Variants in DCK observed in about 807,000 individuals in gnomAD.
DCK encodes the protein deoxyadenosine kinase.
In DCK, 23 loss-of-function variants were observed where a neutral mutation model predicts 38.3. That is an observed-to-expected ratio of 0.60 (90% CI 0.43 to 0.85). DCK has a LOEUF of 0.85. Among genes scored for constraint, DCK ranks in the 40% least tolerant of loss-of-function variants. The pLI is 0.00. For synonymous variants in DCK, 108 were observed against 100.6 expected, an observed-to-expected ratio of 1.07 and a Z score of -0.44; for missense variants, 259 against 304.4, an observed-to-expected ratio of 0.85 and a Z score of 1.11.
At chr4:71,016,648 A>G (rs567493868) in intron 2 of DCK, among the ~76,000 whole-genome samples, 16 of 152,308 alleles carry the variant, frequency 1.1e-4, no homozygotes, top group African/African-American at 3.6e-4. Context: ...CAACCATCTG[A>G]TCTTTGACAA....
In DCK at chr4:71,030,695, A is replaced by C. The variant is rs1428833577; in HGVS notation, c.*1317A>C. 1 of 152,110 alleles carries C rather than the reference A, an allele frequency of 6.6e-6. No homozygotes were observed. Among genetic ancestry groups the C allele is most frequent in the Non-Finnish European group, 1.5e-5 (1 of 67,974 alleles). 9.4% of individuals were successfully genotyped at this position (152,110 alleles called of 1,614,324 possible). On this transcript the variant is annotated 3_prime_UTR_variant, in exon 7 of 7. Transcript: ENST00000286648. ...TCATTGAAATGTAATTTCAGTTCTAAAAAGATGTAATAATCATTTTAGAAT... is the reference window on the plus strand; with the variant it reads ...TCATTGAAATGTAATTTCAGTTCTACAAAGATGTAATAATCATTTTAGAAT...
At chr4:70,998,649 G>A (rs532566316) in intron 2 of DCK, among the ~76,000 whole-genome samples, 4 of 152,210 alleles carry the variant, frequency 2.6e-5, no homozygotes, top group East Asian at 1.9e-4. Context: ...TGAGGCCGGG[G>A]TTGGTGGCTC....
At chr4:71,020,154 CAG>C (rs1466521887) in intron 2 of DCK, among the ~76,000 whole-genome samples, 1 of 152,188 alleles carries the variant, frequency 6.6e-6, no homozygotes, top group Admixed American at 6.5e-5. Flanking sequence ...GTTGAAGAAA[CAG>C]GGTCATTTGT....
chr4:71,010,360 C>A (rs765724689), intron 2 of DCK, among the ~76,000 whole-genome samples: 1 of 151,246 alleles, frequency 6.6e-6, no homozygotes, highest in Non-Finnish European at 1.5e-5. Flanking sequence ...TGGTATGGAA[C>A]GTTTTTAAAA....
intron 1 of DCK, among the ~76,000 whole-genome samples, chr4:70,997,709 G>C (rs1739692092): frequency 6.6e-6 from 1 of 152,150 alleles, no homozygotes; most frequent in Non-Finnish European, 1.5e-5. Flanking sequence ...CGCACACACA[G>C]GGAAAGAGAG....
intron 2 of DCK, among the ~76,000 whole-genome samples, chr4:71,005,460 G>C (rs1458439108): frequency 6.6e-6 from 1 of 151,204 alleles, no homozygotes; most frequent in African/African-American, 2.4e-5. Flanking sequence ...AATAATAAAA[G>C]TTTTAAAAAA....
intron 1 of DCK, among the ~76,000 whole-genome samples, chr4:70,994,894 T>C (rs1319611150): frequency 6.6e-6 from 1 of 152,170 alleles, no homozygotes; most frequent in African/African-American, 2.4e-5. Context: ...GTCCGATTCT[T>C]CTGTATCTCC....
chr4:70,996,338 G>C (rs370192542), intron 1 of DCK, among the ~76,000 whole-genome samples: 14 of 152,294 alleles, frequency 9.2e-5, no homozygotes, highest in African/African-American at 3.4e-4. Flanking sequence ...CCTACAGCCT[G>C]GGCTACAGAG....
At chr4:71,008,252 A>G (rs1474653662) in intron 2 of DCK, among the ~76,000 whole-genome samples, 1 of 152,184 alleles carries the variant, frequency 6.6e-6, no homozygotes, top group Non-Finnish European at 1.5e-5. Flanking sequence ...CCCCCAGTGT[A>G]ATCAAGCTCT....
At chr4:71,018,727 A>T (rs1740337434) in intron 2 of DCK, among the ~76,000 whole-genome samples, 1 of 140,770 alleles carries the variant, frequency 7.1e-6, no homozygotes, top group Non-Finnish European at 1.5e-5. Context: ...GCTGGAGTGC[A>T]GTGGCACAAT....
chr4:70,999,407 T>C (rs180906461), intron 2 of DCK, among the ~76,000 whole-genome samples: 1 of 152,272 alleles, frequency 6.6e-6, no homozygotes. Flanking sequence ...ACATTTTGTT[T>C]ATCCAGTCTA....
In DCK at chr4:70,993,691, AC is replaced by A. The variant is rs1739589595; in HGVS notation, c.-142del. ...CCGCGCGCCAAAGTCAAACCCCGAC[AC>A]CCGCCGGCGGGCCGGTGAGCTCACT... On this transcript the variant is annotated 5_prime_UTR_variant, in exon 1 of 7. Coordinates refer to ENST00000286648, the MANE Select transcript of DCK (RefSeq NM_000788.3). 6 of 582,172 alleles carry A rather than the reference AC, an allele frequency of 1.0e-5. No homozygotes were observed. The highest frequency in any genetic ancestry group is 9.5e-5 in the Admixed American group (3 of 31,418). The allele number at this position is 582,172 out of a possible 1,614,324, so 36.1% of individuals were successfully genotyped here.
chr4:71,027,219 A>G (rs1050917353), intron 6 of DCK, among the ~76,000 whole-genome samples: 72 of 152,140 alleles, frequency 4.7e-4, no homozygotes, highest in African/African-American at 1.6e-3. Flanking sequence ...GAGGATATTT[A>G]AAGTTACAGG....
chr4:71,015,112 A>C (rs1477412919), intron 2 of DCK, among the ~76,000 whole-genome samples: 1 of 152,196 alleles, frequency 6.6e-6, no homozygotes, highest in Non-Finnish European at 1.5e-5. Context: ...CCACAGAAAT[A>C]CAAACTACCA....
chr4:71,011,232 C>CTTT (rs11322673), intron 2 of DCK, among the ~76,000 whole-genome samples: 6 of 93,000 alleles, frequency 6.5e-5, no homozygotes, highest in Non-Finnish European at 1.3e-4. Context: ...TGTGAGGTCT[C>CTTT]TTTTTTTTTT....
intron 2 of DCK, among the ~76,000 whole-genome samples, chr4:71,016,136 A>G (rs1156649510): frequency 1.3e-5 from 2 of 152,066 alleles, no homozygotes; most frequent in Non-Finnish European, 2.9e-5. Context: ...TTATACACCA[A>G]TAACAGACAA....
chr4:70,997,674 A>G (rs951225614), intron 1 of DCK, among the ~76,000 whole-genome samples: 2 of 152,196 alleles, frequency 1.3e-5, no homozygotes, highest in Non-Finnish European at 2.9e-5. Context: ...GAAGTTATTT[A>G]TATGTTCATC....
intron 2 of DCK, among the ~76,000 whole-genome samples, chr4:71,001,933 A>G (rs1225574526): frequency 6.6e-6 from 1 of 152,138 alleles, no homozygotes; most frequent in Non-Finnish European, 1.5e-5. Flanking sequence ...TTCTGGATTC[A>G]TTGATTTTTT....
At chr4:71,022,221 G>A (rs1740442668) in intron 2 of DCK, 146 bp from the exon 3 acceptor site, 1 of 491,240 alleles carries the variant, frequency 2.0e-6, no homozygotes, top group Admixed American at 4.0e-5. Context: ...TTGGGAAAGA[G>A]TATGAGAAAG....
Sources: gnomAD v4.1 joint callset for allele counts (sites outside exome capture counted in the v4.1 genomes callset) on GRCh38, gnomAD v4.1.1 for gene constraint, MANE v1.5 for transcripts, NCBI Gene and HGNC (gene_info 2026-07-23, HGNC 2026-07-21) for gene names.